ATXN2: variants seen among roughly 807,000 people sequenced by gnomAD.
ATXN2 encodes ataxin 2.
In ATXN2, 37 loss-of-function variants were observed where a neutral mutation model predicts 138.6. The ratio of observed to expected loss-of-function variants is 0.27; its 90% confidence interval spans 0.21 to 0.35. The LOEUF is 0.35. Among genes scored for constraint, ATXN2 ranks in the 10% least tolerant of loss-of-function variants. ATXN2 has a pLI of 1.00. For synonymous variants in ATXN2, 549 were observed against 543.7 expected (o/e 1.01, Z -0.13); for missense variants, 1,216 against 1,480.3 (o/e 0.82, Z 2.93).
At chr12:111,583,374 C>A (rs185173598) in intron 1 of ATXN2, among the ~76,000 whole-genome samples, 2 of 152,204 alleles carry the variant, frequency 1.3e-5, no homozygotes, top group Non-Finnish European at 1.5e-5. Context: ...AACATGTGAC[C>A]AAGCAGTTAA....
intron 1 of ATXN2, among the ~76,000 whole-genome samples, chr12:111,573,129 GA>G (rs1335795574): frequency 6.6e-6 from 1 of 151,456 alleles, no homozygotes. Flanking sequence ...GTTGATTGAA[GA>G]AATTTTATTG....
intron 1 of ATXN2, among the ~76,000 whole-genome samples, chr12:111,564,496 AAAG>A (rs200604622): frequency 0.018 from 2,793 of 152,084 alleles, 88 homozygotes; most frequent in African/African-American, 0.062. Context: ...AAAAAAAAAA[AAAG>A]GATATGCAAC....
intron 1 of ATXN2, among the ~76,000 whole-genome samples, chr12:111,582,793 C>A (rs1270873768): frequency 2.0e-5 from 3 of 151,806 alleles, no homozygotes; most frequent in African/African-American, 7.3e-5. Context: ...CTCAGCCTCC[C>A]AAGTAGCTGG....
rs149723979 is a variant in ATXN2, at chr12:111,488,373, T to TAA, written c.2240+101_2240+102dup. Reference sequence around the variant, plus strand: ...ACTAAGGGCAATGTATAAAGTAGTCTAAAAGTCCAGATGGATTCTTCACAG... The same window carrying TAA: ...ACTAAGGGCAATGTATAAAGTAGTCTAAAAAAGTCCAGATGGATTCTTCACAG... On this transcript the variant is annotated intron_variant, in intron 15 of 24. Transcript: ENST00000673436. The TAA allele has an allele frequency of 1.5e-4, 187 of 1,263,972 alleles. 1 individual carries two copies. The African/African-American group carries it at 2.5e-3, about 17-fold the overall frequency. The allele number at this position is 1,263,972 out of a possible 1,614,324, so 78.3% of individuals were successfully genotyped here.
chr12:111,572,283 C>A (rs1012360895), intron 1 of ATXN2, among the ~76,000 whole-genome samples: 1 of 151,772 alleles, frequency 6.6e-6, no homozygotes, highest in Non-Finnish European at 1.5e-5. Flanking sequence ...TGCCTATAAC[C>A]CCAGCTACTT....
intron 1 of ATXN2, among the ~76,000 whole-genome samples, chr12:111,574,856 C>T (rs1883544144): frequency 6.6e-6 from 1 of 152,160 alleles, no homozygotes; most frequent in Non-Finnish European, 1.5e-5. Flanking sequence ...CACTAGTTTT[C>T]TTTCTTTCCA....
At position 111,477,807 on chromosome 12, in the gene ATXN2, G is replaced by A. The variant is rs564857751; in HGVS notation, c.2525-7065C>T. Among the ~76,000 whole-genome samples the A allele has an allele frequency of 2.0e-5, 3 of 152,044 alleles. No individual in the cohort carries two copies. The East Asian group carries it at 5.8e-4, about 29-fold the overall frequency. On this transcript the variant is annotated intron_variant, in intron 18 of 24. Transcript: ENST00000673436. Reference sequence around the variant, plus strand: ...GGGTCTGGCTCTATTGCCCAGGCTGGAGTGCAGTAGTGCAATCTCAGCTCA... The same window carrying A: ...GGGTCTGGCTCTATTGCCCAGGCTGAAGTGCAGTAGTGCAATCTCAGCTCA...
chr12:111,596,326 A>G (rs1884940643), intron 1 of ATXN2, among the ~76,000 whole-genome samples: 1 of 151,918 alleles, frequency 6.6e-6, no homozygotes, highest in Non-Finnish European at 1.5e-5. Flanking sequence ...AAAAATATAT[A>G]TAACAAAGAA....
At chr12:111,574,654 C>T (rs981383563) in intron 1 of ATXN2, among the ~76,000 whole-genome samples, 2 of 152,020 alleles carry the variant, frequency 1.3e-5, no homozygotes, top group Admixed American at 1.3e-4. Context: ...AATTCCTGAG[C>T]TCAAGCGACC....
At position 111,505,076 on chromosome 12, in the gene ATXN2, T is replaced by C. The variant is rs188528101; in HGVS notation, c.1935+4473A>G. Among the ~76,000 whole-genome samples, 550 of 152,160 alleles carry C rather than the reference T, an allele frequency of 3.6e-3. 10 individuals carry two copies. The highest frequency in any genetic ancestry group is 1.5e-3 in the Non-Finnish European group (100 of 67,986). On this transcript the variant is annotated intron_variant, in intron 14 of 24. Transcript: ENST00000673436. ...CTGTCTCTACAAAAAAATACAAAAG[T>C]TATTAATAGCAAGGTGTGGTGGTGC...
At chr12:111,504,676 G>C (rs1355770076) in intron 14 of ATXN2, among the ~76,000 whole-genome samples, 4 of 151,994 alleles carry the variant, frequency 2.6e-5, no homozygotes, top group Non-Finnish European at 5.9e-5. Context: ...CAGTAAAAAT[G>C]GTTATAAGTG....
At chr12:111,466,400 C>G (rs1279131957) in intron 20 of ATXN2, among the ~76,000 whole-genome samples, 1 of 151,426 alleles carries the variant, frequency 6.6e-6, no homozygotes, top group Non-Finnish European at 1.5e-5. Context: ...ACTCGGGAGG[C>G]TGAGGTAGGA....
chr12:111,594,445 G>A (rs974676357), intron 1 of ATXN2, among the ~76,000 whole-genome samples: 3 of 151,744 alleles, frequency 2.0e-5, no homozygotes, highest in African/African-American at 7.3e-5. Flanking sequence ...CTCAAGTGAT[G>A]CTCCTGCCTC....
At chr12:111,470,995 T>C in intron 18 of ATXN2, 1 of 464,672 alleles carries the variant, frequency 2.2e-6, no homozygotes. Flanking sequence ...TGAAAGCAAC[T>C]TCCTCAGAGG....
intron 5 of ATXN2, among the ~76,000 whole-genome samples, chr12:111,540,300 T>C (rs1333869510): frequency 1.3e-5 from 2 of 150,534 alleles, no homozygotes; most frequent in East Asian, 1.9e-4. Context: ...CACAACCCTA[T>C]CAGTAAACAG....
At chr12:111,473,163 A>C (rs1566011476) in intron 18 of ATXN2, among the ~76,000 whole-genome samples, 1 of 151,890 alleles carries the variant, frequency 6.6e-6, no homozygotes, top group African/African-American at 2.4e-5. Flanking sequence ...AGTCCCAGCT[A>C]CTTGGGAGGC....
chr12:111,521,012 T>TA (rs1880129294), intron 6 of ATXN2, 39 bp from the exon 7 acceptor site: 1 of 1,316,038 alleles, frequency 7.6e-7, no homozygotes, highest in Non-Finnish European at 1.1e-6. Context: ...AATGTCAAAG[T>TA]AGTTGTTCCC....
rs760950734 is a variant in ATXN2 at position 111,519,930 on chromosome 12, G to A, written c.935C>T (p.Thr312Ile). ...TTCACTGGAATTTCTCTGAACTGCT[G>A]TGTATTTTTCTTCCTCACTCCTATC... The part of the protein sequence containing the change: ...NDDRSEEEKY[T>I]AVQRNSSERE... Residue 312 changes from threonine (T) to isoleucine (I), a missense_variant, in exon 8 of 25, where the codon ACA (threonine) becomes ATA (isoleucine). By Grantham distance (89) the Thr-to-Ile change is moderately conservative. This residue lies in a region of ATXN2 where 401 missense variants were observed against 528.1 expected (regional missense o/e 0.76). Transcript: ENST00000673436. 3 of 1,614,142 alleles carry A rather than the reference G, an allele frequency of 1.9e-6. No homozygotes were observed. The highest frequency in any genetic ancestry group is 1.1e-5 in the South Asian group (1 of 91,080).
chr12:111,503,523 A>G (rs1440272890), intron 14 of ATXN2, among the ~76,000 whole-genome samples: 1 of 152,246 alleles, frequency 6.6e-6, no homozygotes, highest in East Asian at 1.9e-4. Context: ...TATTATCTGA[A>G]GAGAACAATT....
Sources: allele counts gnomAD v4.1 joint callset (sites outside exome capture counted in the v4.1 genomes callset), GRCh38; gene constraint gnomAD v4.1.1; regional missense constraint gnomAD v4.1.1; transcripts MANE v1.5; gene names NCBI Gene and HGNC (gene_info 2026-07-23, HGNC 2026-07-21).